Variants in TRAK2 observed in about 807,000 individuals in gnomAD.
TRAK2 encodes trafficking kinesin-binding protein 2.
A neutral mutation model predicts 104.6 loss-of-function variants in TRAK2; 81 were observed. That is an observed-to-expected ratio of 0.77 (90% CI 0.65 to 0.93). The LOEUF (loss-of-function observed/expected upper bound fraction) is 0.93, where lower values mean the gene tolerates loss of function less well. TRAK2 is among the 40% of genes least tolerant of loss of function. TRAK2 has a pLI of 0.00. For synonymous variants in TRAK2, 406 were observed against 394.4 expected (o/e 1.03, Z -0.35); for missense variants, 1,002 against 1,089.0 (o/e 0.92, Z 1.12).
intron 1 of TRAK2, among the ~76,000 whole-genome samples, chr2:201,424,227 G>A (rs1951766855): frequency 6.6e-6 from 1 of 152,174 alleles, no homozygotes; most frequent in African/African-American, 2.4e-5. Flanking sequence ...CTGAACTAGG[G>A]CCTCTGCCAA....
At chr2:201,432,273 T>G (rs544790552) in intron 1 of TRAK2, among the ~76,000 whole-genome samples, 26 of 152,356 alleles carry the variant, frequency 1.7e-4, no homozygotes, top group Admixed American at 4.6e-4. Context: ...CACAGAGTCC[T>G]AAATGCAGTA....
At chr2:201,398,618 T>C (rs1951522614) in intron 5 of TRAK2, among the ~76,000 whole-genome samples, 1 of 152,132 alleles carries the variant, frequency 6.6e-6, no homozygotes, top group African/African-American at 2.4e-5. Context: ...TCTTATTGTA[T>C]ATATATGATA....
intron 7 of TRAK2, 113 bp from the exon 8 acceptor site, chr2:201,395,557 A>G: frequency 9.2e-7 from 1 of 1,089,996 alleles, no homozygotes; most frequent in Non-Finnish European, 1.2e-6. Context: ...TGTCGTGAAT[A>G]GATTTTTCTT....
intron 5 of TRAK2, 73 bp downstream of exon 5, chr2:201,399,304 A>T (rs982673007): frequency 1.0e-6 from 1 of 979,294 alleles, no homozygotes; most frequent in Non-Finnish European, 1.6e-6. Context: ...TTTCAGGGAC[A>T]CCTAGGAAAA....
chr2:201,421,109 A>G (rs1951736986), intron 1 of TRAK2, among the ~76,000 whole-genome samples: 1 of 152,236 alleles, frequency 6.6e-6, no homozygotes, highest in African/African-American at 2.4e-5. Context: ...ATATTTAAAT[A>G]AAGGTGTTTA....
intron 13 of TRAK2, 152 bp from the exon 14 acceptor site, chr2:201,386,636 A>T: frequency 2.0e-6 from 2 of 1,000,526 alleles, no homozygotes; most frequent in Non-Finnish European, 2.9e-6. Context: ...TGCAAATTAA[A>T]GTTTTCAGTG....
Position 201,378,603 on chromosome 2 carries a change from A to T in TRAK2, c.*1940T>A, listed in dbSNP as rs1362098220. ...AAAAGTGAATTGGAATATGCGGGAAATTTAAACAGCAGGGATTCTTCTATT... is the reference window on the plus strand; with the variant it reads ...AAAAGTGAATTGGAATATGCGGGAATTTTAAACAGCAGGGATTCTTCTATT... On this transcript the variant is annotated 3_prime_UTR_variant, in exon 16 of 16. Coordinates refer to ENST00000332624, the MANE Select transcript of TRAK2 (RefSeq NM_015049.3). 1 of 152,176 alleles carries T rather than the reference A, an allele frequency of 6.6e-6. No individual in the cohort carries two copies. The highest frequency in any genetic ancestry group is 6.6e-5 in the Admixed American group (1 of 15,264). The allele number at this position is 152,176 out of a possible 1,614,324, so 9.4% of individuals were successfully genotyped here.
rs781774119 is a variant in TRAK2, at chr2:201,384,104, C to G, written c.2069+7G>C. On this transcript the variant is annotated splice_region_variant and intron_variant, in intron 15 of 15. Coordinates refer to ENST00000332624, the MANE Select transcript of TRAK2 (RefSeq NM_015049.3). ...AGTGAGGCCCCAGATTTCCCAGGCA[C>G]TCTTACCTGGGGGTAACCTGAGTGA... is the stretch of plus-strand genomic sequence containing the variant. 6.3e-7 allele frequency: 1 copy of G among 1,587,708 alleles called. No homozygotes were observed.
At chr2:201,441,724 C>T (rs1364395394) in intron 1 of TRAK2, among the ~76,000 whole-genome samples, 1 of 150,364 alleles carries the variant, frequency 6.7e-6, no homozygotes, top group Non-Finnish European at 1.5e-5. Context: ...CAGAGTCTTG[C>T]TCTGTCGACC....
chr2:201,427,319 C>A (rs1951798200), intron 1 of TRAK2, among the ~76,000 whole-genome samples: 1 of 132,208 alleles, frequency 7.6e-6, no homozygotes, highest in Admixed American at 7.8e-5. Context: ...GCTATCCCTC[C>A]CCCCTCCCCG....
chr2:201,386,097 T>C, intron 14 of TRAK2, 121 bp downstream of exon 14: 1 of 1,053,124 alleles, frequency 9.5e-7, no homozygotes, highest in South Asian at 1.6e-5. Context: ...AGATTTTCAT[T>C]ATCTGATATG....
In TRAK2 at chr2:201,438,304, A is replaced by G. The variant is rs143723860; in HGVS notation, c.-200+13046T>C. Among the ~76,000 whole-genome samples, 15 of 152,358 alleles carry G rather than the reference A, an allele frequency of 9.8e-5. No homozygotes were observed. The East Asian group carries it at 2.9e-3, about 29-fold the overall frequency. On this transcript the variant is annotated intron_variant, in intron 1 of 15. Coordinates refer to ENST00000332624, the MANE Select transcript of TRAK2 (RefSeq NM_015049.3). ...AAGGGCCTTCTGTGTTTCAAATGAA[A>G]TGCATATGATAAAGAAATATGTTCT...
At chr2:201,389,239 G>T in intron 12 of TRAK2, 61 bp downstream of exon 12, 1 of 1,487,178 alleles carries the variant, frequency 6.7e-7, no homozygotes, top group Non-Finnish European at 9.4e-7. Flanking sequence ...ATGTGCGTAT[G>T]TGAATCTGGT....
intron 1 of TRAK2, among the ~76,000 whole-genome samples, chr2:201,424,270 G>A (rs78843529): frequency 3.4e-3 from 513 of 152,120 alleles, no homozygotes; most frequent in African/African-American, 0.011. Flanking sequence ...TTTTAGGTAG[G>A]GAACCAAATA....
intron 3 of TRAK2, among the ~76,000 whole-genome samples, chr2:201,401,493 G>A (rs1576515180): frequency 1.3e-5 from 2 of 152,106 alleles, no homozygotes; most frequent in South Asian, 4.1e-4. Context: ...GAGGGGTTAT[G>A]CTGTTATAAA....
Position 201,387,705 on chromosome 2 carries a change from T to C in TRAK2, c.1694A>G (p.Glu565Gly). The C allele has an allele frequency of 6.3e-7, 1 of 1,596,378 alleles. No individual in the cohort carries two copies. The highest frequency in any genetic ancestry group is 8.5e-7 in the Non-Finnish European group (1 of 1,169,994). ...AAGGGCCCTTACTGATTTATTACCT[T>C]CAAGGGGCTTGACAATTTGTAATTT... The part of the protein sequence containing the change: ...PEKLQIVKPL[E>G]GSQTLYHWQQ... The change falls in exon 13 of 16, where the codon GAA becomes GGA. Residue 565 changes from glutamate (E) to glycine (G), a missense_variant and splice_region_variant. Physicochemically the swap from Glu to Gly is moderately conservative, Grantham distance 98. Transcript: ENST00000332624.
chr2:201,402,202 G>A (rs1951556321), intron 3 of TRAK2, among the ~76,000 whole-genome samples: 1 of 152,114 alleles, frequency 6.6e-6, no homozygotes, highest in Non-Finnish European at 1.5e-5. Context: ...TGGTAGGTAT[G>A]AAATGATTCT....
intron 2 of TRAK2, chr2:201,411,755 C>G (rs1374553791): frequency 2.5e-6 from 2 of 784,878 alleles, no homozygotes; most frequent in African/African-American, 1.7e-5. Context: ...CATCAAGTAC[C>G]AACCACTTAT....
At chr2:201,434,159 G>C (rs1248215374) in intron 1 of TRAK2, among the ~76,000 whole-genome samples, 1 of 151,900 alleles carries the variant, frequency 6.6e-6, no homozygotes, top group Non-Finnish European at 1.5e-5. Context: ...GGGTTTCACC[G>C]TGTTAGCCAG....
Sources: gnomAD v4.1 joint callset for allele counts (sites outside exome capture counted in the v4.1 genomes callset) on GRCh38, gnomAD v4.1.1 for gene constraint, MANE v1.5 for transcripts, NCBI Gene and HGNC (gene_info 2026-07-23, HGNC 2026-07-21) for gene names.